The following SH3BP5 variants were observed in gnomAD, a reference collection of about 807,000 sequenced individuals.
The protein encoded by SH3BP5 is SH3 domain-binding protein 5.
Under a neutral mutation model 43.3 loss-of-function variants are expected in SH3BP5, and 22 were observed. The observed-to-expected ratio is 0.51, with a 90% CI of 0.36 to 0.73. The LOEUF is 0.73. SH3BP5 is among the 30% of genes least tolerant of loss of function. The probability of loss-of-function intolerance (pLI) is 0.00; values close to 1 mark genes in which losing one functional copy is unlikely to be tolerated. For missense variants in SH3BP5, 529 were observed against 586.9 expected (o/e 0.90, Z 1.02); for synonymous variants, 255 against 225.8 (o/e 1.13, Z -1.16).
At chr3:15,302,009 A>G (rs1186008207) in intron 3 of SH3BP5, among the ~76,000 whole-genome samples, 1 of 152,182 alleles carries the variant, frequency 6.6e-6, no homozygotes, top group African/African-American at 2.4e-5. Context: ...TCACAGAACC[A>G]TAAATCCCAG....
At chr3:15,262,087 A>G in intron 5 of SH3BP5, 72 bp downstream of exon 5, 1 of 1,575,176 alleles carries the variant, frequency 6.3e-7, no homozygotes, top group Admixed American at 1.7e-5. Context: ...TGAGTGTGTG[A>G]CATACAAAAG....
At chr3:15,264,066 A>C (rs1465329549) in intron 4 of SH3BP5, among the ~76,000 whole-genome samples, 1 of 152,254 alleles carries the variant, frequency 6.6e-6, no homozygotes, top group Non-Finnish European at 1.5e-5. Context: ...CATCTCCTCC[A>C]GTCAACAGCC....
intron 2 of SH3BP5, among the ~76,000 whole-genome samples, chr3:15,325,509 C>T (rs1698438151): frequency 6.6e-6 from 1 of 152,240 alleles, no homozygotes; most frequent in African/African-American, 2.4e-5. Context: ...CCCTTGCCTC[C>T]AAACACCCAC....
intron 2 of SH3BP5, among the ~76,000 whole-genome samples, chr3:15,307,203 G>C (rs911027450): frequency 6.6e-6 from 1 of 152,168 alleles, no homozygotes; most frequent in African/African-American, 2.4e-5. Flanking sequence ...CCCTGGTTCT[G>C]TGCCATCATC....
intron 7 of SH3BP5, 153 bp from the exon 8 acceptor site, chr3:15,257,266 T>C (rs909627725): frequency 1.6e-5 from 12 of 732,796 alleles, no homozygotes; most frequent in Non-Finnish European, 2.4e-5. Context: ...TTCCCAAGCC[T>C]GAATGACCAG....
intron 2 of SH3BP5, among the ~76,000 whole-genome samples, chr3:15,326,792 G>A (rs1188441346): frequency 2.6e-5 from 4 of 152,200 alleles, no homozygotes; most frequent in African/African-American, 9.7e-5. Flanking sequence ...GCCCATAAGG[G>A]AAGTGCAGAA....
rs1696749544 is a variant in SH3BP5, at chr3:15,269,825, A to G, written c.383T>C (p.Val128Ala). The G allele has an allele frequency of 6.2e-7, 1 of 1,602,208 alleles. No homozygotes were observed. Among genetic ancestry groups the G allele is most frequent in the African/African-American group, 1.3e-5 (1 of 74,538 alleles). ...ATQDFQRATE[V>A]LRAAKETISL... Reference sequence around the variant, plus strand: ...GATGGTCTCCTTGGCGGCACGGAGCACCTCTGTGGCCCTCTGGAAGTCCTG... The same window carrying G: ...GATGGTCTCCTTGGCGGCACGGAGCGCCTCTGTGGCCCTCTGGAAGTCCTG... The change falls in exon 4 of 9, where the codon GTG (valine) becomes GCG (alanine). Residue 128 changes from valine to alanine, a missense_variant. Val to Ala is a moderately conservative substitution (Grantham distance 64, BLOSUM62 0). This residue lies in a region of SH3BP5 where 85 missense variants were observed against 140.8 expected (regional missense o/e 0.60). Coordinates refer to ENST00000383791, the MANE Select transcript of SH3BP5 (RefSeq NM_004844.5).
Position 15,255,869 on chromosome 3 carries a change from T to TCA in SH3BP5, c.*215_*216dup. On this transcript the variant is annotated 3_prime_UTR_variant, in exon 9 of 9. Transcript: ENST00000383791. Reference sequence around the variant, plus strand: ...TGTTCCACAAAGGCTGTGAACCTAGTCACAGTCTACCCACAACAAGAACTC... The same window carrying TCA: ...TGTTCCACAAAGGCTGTGAACCTAGTCACACAGTCTACCCACAACAAGAACTC... 1.8e-6 allele frequency: 1 copy of TCA among 542,856 alleles called. No individual in the cohort carries two copies. Among genetic ancestry groups the TCA allele is most frequent in the Non-Finnish European group, 3.3e-6 (1 of 305,700 alleles). 33.6% of individuals were successfully genotyped at this position (542,856 alleles called of 1,614,324 possible).
intron 3 of SH3BP5, among the ~76,000 whole-genome samples, chr3:15,294,335 G>A (rs1338851697): frequency 5.2e-5 from 6 of 115,322 alleles, no homozygotes; most frequent in South Asian, 2.8e-4. Flanking sequence ...GTGTGTGCGC[G>A]CGCATGTTTA....
chr3:15,291,905 T>C (rs1051142166), intron 3 of SH3BP5, among the ~76,000 whole-genome samples: 3 of 151,998 alleles, frequency 2.0e-5, no homozygotes, highest in Non-Finnish European at 4.4e-5. Context: ...CTGGAAGGGC[T>C]GGGGAAGAAG....
intron 3 of SH3BP5, among the ~76,000 whole-genome samples, chr3:15,277,915 C>G (rs960965969): frequency 6.6e-6 from 1 of 152,190 alleles, no homozygotes; most frequent in Admixed American, 6.5e-5. Flanking sequence ...CCACTTTCTT[C>G]TAGAGAAAGT....
chr3:15,263,462 G>C (rs1696526293), intron 4 of SH3BP5, among the ~76,000 whole-genome samples: 1 of 152,212 alleles, frequency 6.6e-6, no homozygotes, highest in South Asian at 2.1e-4. Context: ...GAAGAACTCA[G>C]GATCCAGAAA....
intron 2 of SH3BP5, among the ~76,000 whole-genome samples, chr3:15,322,118 G>A (rs1258625412): frequency 1.3e-5 from 2 of 151,886 alleles, no homozygotes; most frequent in South Asian, 4.2e-4. Context: ...CAGGAGAATC[G>A]CTTGAACCTG....
chr3:15,333,249 G>A, upstream of SH3BP5: 2 of 985,484 alleles, frequency 2.0e-6, no homozygotes, highest in Non-Finnish European at 2.4e-6. Context: ...GGCAGACACA[G>A]CATCCGAAAA....
intron 3 of SH3BP5, chr3:15,273,045 C>T (rs528946513): frequency 2.8e-5 from 22 of 774,898 alleles, no homozygotes; most frequent in East Asian, 2.5e-4. Flanking sequence ...CTGCTGGGAA[C>T]GAGAGGAAGC....
At chr3:15,270,879 T>C (rs537599692) in intron 3 of SH3BP5, among the ~76,000 whole-genome samples, 118 of 149,124 alleles carry the variant, frequency 7.9e-4, no homozygotes, top group African/African-American at 2.9e-3. Flanking sequence ...TGAGCCGAGA[T>C]TGCACCACTG....
chr3:15,336,652 A>G (rs1413169182), upstream of SH3BP5, among the ~76,000 whole-genome samples: 2 of 152,090 alleles, frequency 1.3e-5, no homozygotes, highest in African/African-American at 4.8e-5. Flanking sequence ...TGACCATGGG[A>G]ATATATTATA....
chr3:15,257,200 A>G, intron 7 of SH3BP5, 87 bp from the exon 8 acceptor site: 1 of 1,368,778 alleles, frequency 7.3e-7, no homozygotes, highest in South Asian at 1.3e-5. Flanking sequence ...AGCTAGACAC[A>G]GCATGGGGGA....
chr3:15,262,263 G>T lies in SH3BP5; in HGVS notation c.522C>A (p.Thr174=). 2 of 1,614,126 alleles carry T rather than the reference G, an allele frequency of 1.2e-6. No individual in the cohort carries two copies. The highest frequency in any genetic ancestry group is 1.7e-6 in the Non-Finnish European group (2 of 1,180,018). ...QRVMEAEQTK[T]RSELVHKETA... Reference sequence around the variant, plus strand: ...TCTCCTTATGCACCAGCTCGCTCCTGGTCTTGGTCTGCTCCGCCTCCATGA... The same window carrying T: ...TCTCCTTATGCACCAGCTCGCTCCTTGTCTTGGTCTGCTCCGCCTCCATGA... Residue 174 remains threonine (T), a synonymous_variant, in exon 5 of 9, where the codon ACC becomes ACA. Coordinates refer to ENST00000383791, the MANE Select transcript of SH3BP5 (RefSeq NM_004844.5).
Sources: allele counts gnomAD v4.1 joint callset (sites outside exome capture counted in the v4.1 genomes callset), GRCh38; gene constraint gnomAD v4.1.1; regional missense constraint gnomAD v4.1.1; transcripts MANE v1.5; gene names NCBI Gene and HGNC (gene_info 2026-07-23, HGNC 2026-07-21).